Variants in TDRD5 observed in about 807,000 individuals in gnomAD.
The protein encoded by TDRD5 is tudor domain containing 5, also known as tudor domain-containing protein 5.
TDRD5 carries 41 observed loss-of-function variants against 120.6 expected under a neutral mutation model. That is an observed-to-expected ratio of 0.34 (90% CI 0.26 to 0.44). TDRD5 has a LOEUF of 0.44. Among genes scored for constraint, TDRD5 ranks in the 20% least tolerant of loss-of-function variants. TDRD5 has a pLI of 1.00. For synonymous variants in TDRD5, 430 were observed against 433.7 expected (o/e 0.99, Z 0.11); for missense variants, 1,006 against 1,221.2 (o/e 0.82, Z 2.63).
rs371539080 is a variant in TDRD5 at position 179,669,309 on chromosome 1, A to G, written c.2765A>G (p.Asn922Ser). 4 of 1,614,024 alleles carry G rather than the reference A, an allele frequency of 2.5e-6. No homozygotes were observed. In the African/African-American group the frequency reaches 4.0e-5, roughly 16 times the overall value. Residue 922 changes from asparagine (N) to serine (S), a missense_variant, in exon 17 of 18, where the codon AAC becomes AGC. By Grantham distance (46) the Asn-to-Ser change is conservative (BLOSUM62 1). Around this residue, in one of 3 missense-constraint regions of TDRD5, gnomAD observed 403 missense variants for 448.1 expected, o/e 0.90. Transcript: ENST00000444136. The stretch of plus-strand genomic sequence containing the variant: ...GACGGGAGCCAGTCTGAACCCAACA[A>G]CAGTCAGACTCAGCCAAAGCAAATT... ...SADGSQSEPNNSQTQPKQIQL... is the reference protein window; with the variant it reads ...SADGSQSEPNSSQTQPKQIQL...
In TDRD5 at chr1:179,639,902, G is replaced by A. The variant is rs775783624; in HGVS notation, c.1584G>A (p.Pro528=). The change falls in exon 10 of 18, where the codon CCG becomes CCA. Residue 528 remains proline (P), a synonymous_variant. Coordinates refer to ENST00000444136, the MANE Select transcript of TDRD5 (RefSeq NM_001199085.3). ...RYVMPECFIQ[P]GHLCCVRISE... ...TCATGCCAGAATGTTTTATTCAGCC[G>A]GGACATCTCTGTTGTGTAAGGATTT... 8.1e-6 allele frequency: 13 copies of A among 1,614,080 alleles called. No homozygotes were observed. The highest frequency in any genetic ancestry group is 1.1e-5 in the South Asian group (1 of 91,080).
chr1:179,670,754 G>T (rs1372685941), intron 17 of TDRD5, among the ~76,000 whole-genome samples: 3 of 151,976 alleles, frequency 2.0e-5, no homozygotes, highest in Admixed American at 6.6e-5. Flanking sequence ...TTTAAATTGG[G>T]TTATCTTCTT....
At position 179,630,911 on chromosome 1, in the gene TDRD5, C is replaced by T. The variant is rs760878417; in HGVS notation, c.1117C>T (p.Leu373=). Residue 373 remains leucine, a synonymous_variant, in exon 7 of 18, where the codon CTA becomes TTA. Coordinates refer to ENST00000444136, the MANE Select transcript of TDRD5 (RefSeq NM_001199085.3). The part of the protein sequence containing the change: ...LLVFDADKKP[L]PPVQSDKKIE... Reference sequence around the variant, plus strand: ...AGTGTTTGATGCGGATAAGAAGCCTCTACCACCTGGTGAGTGGAACCACAG... The same window carrying T: ...AGTGTTTGATGCGGATAAGAAGCCTTTACCACCTGGTGAGTGGAACCACAG... The T allele has an allele frequency of 1.9e-6, 3 of 1,612,540 alleles. No homozygotes were observed. Among genetic ancestry groups the T allele is most frequent in the South Asian group, 1.1e-5 (1 of 90,758 alleles).
rs1676587866 is a variant in TDRD5 at position 179,616,831 on chromosome 1, G to GT, written c.832-1766dup. Reference sequence around the variant, plus strand: ...AGCCTTAGGTTATAGATGTTTATGCGTTGATCTCACTTCCCTACTTAATTT... The same window carrying GT: ...AGCCTTAGGTTATAGATGTTTATGCGTTTGATCTCACTTCCCTACTTAATTT... On this transcript the variant is annotated intron_variant, in intron 4 of 17. Transcript: ENST00000444136. Among the ~76,000 whole-genome samples the GT allele has an allele frequency of 2.0e-5, 3 of 152,200 alleles. No homozygotes were observed. The South Asian group carries it at 6.2e-4, about 32-fold the overall frequency.
chr1:179,650,698 G>A (rs185296706), intron 11 of TDRD5, among the ~76,000 whole-genome samples, 169 bp from the exon 12 acceptor site: 3 of 151,704 alleles, frequency 2.0e-5, no homozygotes, highest in African/African-American at 7.3e-5. Flanking sequence ...CCTTTATTCT[G>A]ACTTTTCTCA....
chr1:179,597,424 C>T (rs564514358), intron 4 of TDRD5, among the ~76,000 whole-genome samples: 5 of 151,128 alleles, frequency 3.3e-5, no homozygotes, highest in East Asian at 1.9e-4. Context: ...TTCCGTCTCC[C>T]GGGCTCAAGT....
intron 14 of TDRD5, among the ~76,000 whole-genome samples, chr1:179,657,854 G>A (rs531372429): frequency 1.3e-5 from 2 of 151,822 alleles, no homozygotes; most frequent in South Asian, 4.2e-4. Flanking sequence ...ATTTTTTTGT[G>A]GTGAAAACAC....
chr1:179,662,435 T>G (rs1331658091), intron 15 of TDRD5, 149 bp downstream of exon 15: 2 of 754,946 alleles, frequency 2.6e-6, no homozygotes, highest in Non-Finnish European at 4.0e-6. Context: ...ACCCTGTCTC[T>G]ACTAAAAATA....
Position 179,593,629 on chromosome 1 carries a change from T to G in TDRD5, c.402T>G (p.Val134=), listed in dbSNP as rs773735617. 5 of 1,614,122 alleles carry G rather than the reference T, an allele frequency of 3.1e-6. No homozygotes were observed. In the East Asian group the frequency reaches 1.1e-4, roughly 36 times the overall value. Residue 134 remains valine (V), a synonymous_variant, in exon 3 of 18, where the codon GTT becomes GTG. Coordinates refer to ENST00000444136, the MANE Select transcript of TDRD5 (RefSeq NM_001199085.3). ...GGGTTGCCCCTATTCTTCCAGCTGT[T>G]GTGAAGAGTGAGTTGAAGGACCTGT... ...RGRVAPILPA[V]VKSELKDLLA... is the part of the protein sequence containing the mutation.
intron 16 of TDRD5, among the ~76,000 whole-genome samples, chr1:179,663,774 T>C (rs1287843381): frequency 6.6e-6 from 1 of 152,212 alleles, no homozygotes; most frequent in East Asian, 1.9e-4. Context: ...TAATTACTTA[T>C]TGCTTCAGAA....
At chr1:179,652,496 G>A (rs914046929) in intron 13 of TDRD5, among the ~76,000 whole-genome samples, 10 of 151,818 alleles carry the variant, frequency 6.6e-5, no homozygotes, top group Admixed American at 2.0e-4. Context: ...AGGTATTCTC[G>A]TTTCTTACTT....
intron 4 of TDRD5, among the ~76,000 whole-genome samples, chr1:179,601,347 A>G (rs754531431): frequency 1.3e-5 from 2 of 151,996 alleles, no homozygotes; most frequent in Non-Finnish European, 2.9e-5. Context: ...GTAATTTGTG[A>G]TATTTTGGTG....
At chr1:179,607,207 AT>A (rs1056988219) in intron 4 of TDRD5, among the ~76,000 whole-genome samples, 113 of 152,202 alleles carry the variant, frequency 7.4e-4, no homozygotes, top group African/African-American at 2.6e-3. Context: ...TGTAAATAGT[AT>A]TTTTTAAATT....
At chr1:179,601,679 G>A (rs944070318) in intron 4 of TDRD5, among the ~76,000 whole-genome samples, 9 of 152,154 alleles carry the variant, frequency 5.9e-5, no homozygotes, top group Non-Finnish European at 7.4e-5. Flanking sequence ...TGGGCATTTG[G>A]GTTGGTTCCA....
intron 4 of TDRD5, among the ~76,000 whole-genome samples, chr1:179,599,666 C>G (rs1184813303): frequency 6.6e-6 from 1 of 151,940 alleles, no homozygotes; most frequent in Non-Finnish European, 1.5e-5. Flanking sequence ...TCTTTAGGGT[C>G]TGTGATGCTT....
chr1:179,628,324 C>CTTTTTTTT (rs71569258), intron 6 of TDRD5, among the ~76,000 whole-genome samples: 6 of 54,634 alleles, frequency 1.1e-4, no homozygotes, highest in African/African-American at 3.6e-4. Flanking sequence ...CTTTTCTTTT[C>CTTTTTTTT]TTTTTTTTTT....
chr1:179,653,745 G>A (rs1254858500), intron 13 of TDRD5, among the ~76,000 whole-genome samples: 1 of 152,050 alleles, frequency 6.6e-6, no homozygotes, highest in African/African-American at 2.4e-5. Context: ...GACATATTAA[G>A]ACTCCCATAT....
rs923470937 is a variant in TDRD5, at chr1:179,658,278, A to G, written c.2323-3826A>G. ...ATACTGTCCTAATAAAATGAGTTGG[A>G]AGTATTCGCTCATCTATTTTCTGGA... On this transcript the variant is annotated intron_variant, in intron 14 of 17. Transcript: ENST00000444136. Among the ~76,000 whole-genome samples the G allele has an allele frequency of 2.0e-5, 3 of 152,160 alleles. No individual in the cohort carries two copies. The East Asian group carries it at 5.8e-4, about 29-fold the overall frequency.
chr1:179,622,438 A>G lies in TDRD5; in HGVS notation c.972+1347A>G, dbSNP rs145125250. On this transcript the variant is annotated intron_variant, in intron 6 of 17. Transcript: ENST00000444136. ...AAGAAAATGTGACCCCTTGACAAAGAAAAGGTGATCAATGGAAATTCTGAG... is the reference window on the plus strand; with the variant it reads ...AAGAAAATGTGACCCCTTGACAAAGGAAAGGTGATCAATGGAAATTCTGAG... 2.6e-3 allele frequency among the ~76,000 whole-genome samples: 395 copies of G among 152,326 alleles called. 2 individuals are homozygous for G. The highest frequency in any genetic ancestry group is 9.2e-3 in the African/African-American group (383 of 41,574).
Sources: gnomAD v4.1 joint callset for allele counts (sites outside exome capture counted in the v4.1 genomes callset) on GRCh38, gnomAD v4.1.1 for gene constraint, gnomAD v4.1.1 regional missense constraint, MANE v1.5 for transcripts, NCBI Gene and HGNC (gene_info 2026-07-23, HGNC 2026-07-21) for gene names.